DLGAP2: variants seen among roughly 807,000 people sequenced by gnomAD.
DLGAP2 encodes the protein disks large-associated protein 2.
In DLGAP2, 26 loss-of-function variants were observed where a neutral mutation model predicts 100.3. The observed-to-expected ratio is 0.26, with a 90% CI of 0.19 to 0.36. DLGAP2 has a LOEUF of 0.36. Among genes scored for constraint, DLGAP2 ranks in the 10% least tolerant of loss-of-function variants. The pLI, the probability that DLGAP2 is intolerant of heterozygous loss-of-function variation, is 1.00. For missense variants in DLGAP2, 1,858 were observed against 1,453.2 expected, an observed-to-expected ratio of 1.28 and a Z score of -4.53; for synonymous variants, 886 against 630.1, an observed-to-expected ratio of 1.41 and a Z score of -6.08.
At chr8:1,419,413 T>C (rs13277426) in intron 3 of DLGAP2, among the ~76,000 whole-genome samples, 13 of 68,698 alleles carry the variant, frequency 1.9e-4, no homozygotes, top group African/African-American at 3.8e-4. Context: ...TTGTACATAT[T>C]TGTGGGATAC....
chr8:1,694,908 A>T (rs1446034751), intron 13 of DLGAP2, among the ~76,000 whole-genome samples: 1 of 152,108 alleles, frequency 6.6e-6, no homozygotes, highest in Non-Finnish European at 1.5e-5. Flanking sequence ...CAGTGGATTC[A>T]GATGCAACCA....
intron 2 of DLGAP2, chr8:1,105,147 C>T (rs1476104348): frequency 6.6e-6 from 1 of 152,242 alleles, no homozygotes; most frequent in African/African-American, 2.4e-5. Flanking sequence ...ATACTTTATC[C>T]TGAGATTTCG....
chr8:1,655,487 T>A (rs1798262941), intron 8 of DLGAP2, among the ~76,000 whole-genome samples: 1 of 152,250 alleles, frequency 6.6e-6, no homozygotes, highest in Non-Finnish European at 1.5e-5. Flanking sequence ...GATTACGTAT[T>A]TGTGCCTTAT....
chr8:1,601,945 G>GT (rs1554506576), intron 6 of DLGAP2, among the ~76,000 whole-genome samples: 225 of 146,454 alleles, frequency 1.5e-3, no homozygotes, highest in African/African-American at 5.4e-3. Context: ...AATTTAACAG[G>GT]GTGTGTGTGT....
chr8:1,595,734 G>C (rs1796437010), intron 6 of DLGAP2, among the ~76,000 whole-genome samples: 2 of 149,738 alleles, frequency 1.3e-5, no homozygotes, highest in Admixed American at 1.3e-4. Context: ...TCCCCACCCA[G>C]TTACTCCCTT....
At chr8:782,279 A>G (rs1274151292) in intron 1 of DLGAP2, among the ~76,000 whole-genome samples, 1 of 152,120 alleles carries the variant, frequency 6.6e-6, no homozygotes, top group East Asian at 1.9e-4. Context: ...ACTCATTAGA[A>G]TTCCATAGAT....
intron 3 of DLGAP2, among the ~76,000 whole-genome samples, chr8:1,334,955 C>T (rs570542946): frequency 2.2e-4 from 33 of 152,292 alleles, no homozygotes; most frequent in East Asian, 1.9e-3. Context: ...GGCAGTATCC[C>T]GGGACCCAGC....
At chr8:1,241,757 T>C (rs1164879211) in intron 2 of DLGAP2, among the ~76,000 whole-genome samples, 1 of 149,424 alleles carries the variant, frequency 6.7e-6, no homozygotes, top group Non-Finnish European at 1.5e-5. Flanking sequence ...AAAAAAAAAC[T>C]AATAAATTCT....
intron 2 of DLGAP2, among the ~76,000 whole-genome samples, chr8:1,254,741 G>A (rs1050841482): frequency 8.5e-5 from 13 of 152,132 alleles, no homozygotes; most frequent in Admixed American, 7.2e-4. Context: ...TTTGGGTTTC[G>A]GGGGCCGAGT....
intron 1 of DLGAP2, among the ~76,000 whole-genome samples, chr8:907,222 T>C (rs1798399049): frequency 6.6e-6 from 1 of 152,224 alleles, no homozygotes; most frequent in African/African-American, 2.4e-5. Flanking sequence ...GTGTGGAGTA[T>C]TTAGGATAAA....
chr8:1,694,059 T>C (rs1047838852), intron 13 of DLGAP2, among the ~76,000 whole-genome samples: 5 of 152,244 alleles, frequency 3.3e-5, no homozygotes, highest in African/African-American at 1.2e-4. Context: ...TAAATGTTCC[T>C]TTCTGCTCTG....
At chr8:754,679 A>T (rs1410574349) in intron 1 of DLGAP2, among the ~76,000 whole-genome samples, 1 of 151,996 alleles carries the variant, frequency 6.6e-6, no homozygotes, top group Admixed American at 6.6e-5. Flanking sequence ...GTGAGACCCC[A>T]CCTCTAAAAA....
intron 10 of DLGAP2, among the ~76,000 whole-genome samples, chr8:1,673,725 A>G (rs1164932856): frequency 6.6e-6 from 1 of 152,214 alleles, no homozygotes; most frequent in Non-Finnish European, 1.5e-5. Flanking sequence ...TGAAACAAGG[A>G]AGCAAAGATT....
intron 3 of DLGAP2, among the ~76,000 whole-genome samples, chr8:1,372,723 T>G (rs545232601): frequency 1.3e-5 from 2 of 152,350 alleles, no homozygotes; most frequent in East Asian, 1.9e-4. Context: ...CAGAGAGAGA[T>G]AAAACTGTGA....
chr8:864,396 T>C (rs1443057813), intron 1 of DLGAP2, among the ~76,000 whole-genome samples: 2 of 152,192 alleles, frequency 1.3e-5, no homozygotes, highest in Non-Finnish European at 2.9e-5. Flanking sequence ...CACACCCTAA[T>C]TTGTCCATTG....
chr8:1,210,310 G>A (rs972759897), intron 2 of DLGAP2, among the ~76,000 whole-genome samples: 2 of 152,046 alleles, frequency 1.3e-5, no homozygotes, highest in African/African-American at 4.8e-5. Flanking sequence ...GGGAGGTTTG[G>A]TTGTCTGGAA....
intron 1 of DLGAP2, among the ~76,000 whole-genome samples, chr8:896,675 T>C (rs528109284): frequency 6.6e-6 from 1 of 152,164 alleles, no homozygotes; most frequent in South Asian, 2.1e-4. Flanking sequence ...TACTGTCTTC[T>C]ATGGGAGGGC....
chr8:1,490,053 G>C lies in DLGAP2; in HGVS notation c.107-11313G>C, dbSNP rs111738612. ...ATTACAGGCACCTGCCACCGCACCC[G>C]GCTATTTTTTTTGCATTTTTAGTAG... On this transcript the variant is annotated intron_variant, in intron 3 of 14. Transcript: ENST00000637795. 5.2e-3 allele frequency among the ~76,000 whole-genome samples: 783 copies of C among 150,362 alleles called. 6 individuals are homozygous for C. Among genetic ancestry groups the C allele is most frequent in the African/African-American group, 0.019 (743 of 39,782 alleles).
chr8:1,467,014 T>TG (rs1026818885), intron 3 of DLGAP2, among the ~76,000 whole-genome samples: 5 of 149,498 alleles, frequency 3.3e-5, no homozygotes, highest in African/African-American at 1.0e-4. Flanking sequence ...TTCAAGAAAG[T>TG]GGGGGGGATG....
Sources: gnomAD v4.1 joint callset for allele counts (sites outside exome capture counted in the v4.1 genomes callset) on GRCh38, gnomAD v4.1.1 for gene constraint, MANE v1.5 for transcripts, NCBI Gene and HGNC (gene_info 2026-07-23, HGNC 2026-07-21) for gene names.